Variants in EGFR observed in about 807,000 individuals in gnomAD.
EGFR encodes epidermal growth factor receptor.
EGFR carries 58 observed loss-of-function variants against 143.0 expected under a neutral mutation model. The ratio of observed to expected loss-of-function variants is 0.41; its 90% CI spans 0.33 to 0.50. The LOEUF (loss-of-function observed/expected upper bound fraction) is 0.50, where lower values mean the gene tolerates loss of function less well. EGFR is among the 20% of genes least tolerant of loss of function. The pLI, the probability that EGFR is intolerant of heterozygous loss-of-function variation, is 0.39. For synonymous variants in EGFR, 613 were observed against 594.4 expected (o/e 1.03, Z -0.45); for missense variants, 1,307 against 1,579.0 (o/e 0.83, Z 2.92).
At chr7:55,128,035 T>G (rs1009415926) in intron 1 of EGFR, among the ~76,000 whole-genome samples, 1 of 152,162 alleles carries the variant, frequency 6.6e-6, no homozygotes, top group Non-Finnish European at 1.5e-5. Flanking sequence ...AGGCTTCCCA[T>G]CCTCCTGGAG....
At chr7:55,171,618 C>T (rs1786358314) in intron 16 of EGFR, among the ~76,000 whole-genome samples, 2 of 152,196 alleles carry the variant, frequency 1.3e-5, no homozygotes, top group African/African-American at 4.8e-5. Flanking sequence ...ATGACAACCT[C>T]CAGCATAGGG....
At chr7:55,132,314 T>C (rs889964886) in intron 1 of EGFR, among the ~76,000 whole-genome samples, 2 of 152,336 alleles carry the variant, frequency 1.3e-5, no homozygotes, top group East Asian at 3.9e-4. Flanking sequence ...GTCAGAGATC[T>C]TTTATTTCCT....
At chr7:55,028,986 G>A (rs562397412) in intron 1 of EGFR, among the ~76,000 whole-genome samples, 10 of 151,894 alleles carry the variant, frequency 6.6e-5, no homozygotes, top group Non-Finnish European at 1.3e-4. Flanking sequence ...GGTGAAACCC[G>A]CCTCTACTAA....
intron 1 of EGFR, among the ~76,000 whole-genome samples, chr7:55,029,410 C>T (rs1787124516): frequency 6.6e-6 from 1 of 152,100 alleles, no homozygotes; most frequent in South Asian, 2.1e-4. Flanking sequence ...CTTCTTCCTT[C>T]CTTGCTTTCT....
intron 1 of EGFR, among the ~76,000 whole-genome samples, chr7:55,037,364 T>G (rs2128867352): frequency 6.6e-6 from 1 of 152,244 alleles, no homozygotes; most frequent in East Asian, 1.9e-4. Context: ...CATCCCATTC[T>G]CCCAAGCAAG....
intron 22 of EGFR, among the ~76,000 whole-genome samples, chr7:55,194,983 G>A (rs1005176480): frequency 3.6e-4 from 55 of 152,164 alleles, no homozygotes; most frequent in African/African-American, 1.2e-3. Context: ...GTACCAAGGA[G>A]CTAAAAAGAG....
intron 7 of EGFR, among the ~76,000 whole-genome samples, chr7:55,154,958 G>A (rs534870978): frequency 3.8e-4 from 58 of 151,910 alleles, no homozygotes; most frequent in Non-Finnish European, 5.3e-4. Context: ...TAAGGTAAAT[G>A]ACAAACAAAG....
intron 4 of EGFR, among the ~76,000 whole-genome samples, chr7:55,149,606 G>A (rs1307724862): frequency 6.6e-6 from 1 of 152,128 alleles, no homozygotes; most frequent in African/African-American, 2.4e-5. Context: ...TTGGCAATAT[G>A]CCTGCAATAT....
chr7:55,058,155 G>A (rs1267001292), intron 1 of EGFR, among the ~76,000 whole-genome samples: 3 of 152,204 alleles, frequency 2.0e-5, no homozygotes, highest in Admixed American at 1.3e-4. Context: ...CAGCATTTTG[G>A]GAGGCCGAGG....
intron 22 of EGFR, among the ~76,000 whole-genome samples, chr7:55,197,640 T>C (rs1248105520): frequency 6.6e-6 from 1 of 152,212 alleles, no homozygotes; most frequent in Non-Finnish European, 1.5e-5. Flanking sequence ...ATGTTGGCTG[T>C]GGGTTTGCCA....
intron 26 of EGFR, 25 bp downstream of exon 26, chr7:55,201,807 A>G (rs747210615): frequency 3.7e-6 from 6 of 1,612,552 alleles, no homozygotes; most frequent in Admixed American, 1.7e-5. Context: ...CTTATAAGCC[A>G]GAATTTACAG....
intron 1 of EGFR, among the ~76,000 whole-genome samples, chr7:55,090,894 G>T (rs1473087199): frequency 6.6e-6 from 1 of 152,190 alleles, no homozygotes; most frequent in Non-Finnish European, 1.5e-5. Context: ...TGATGTTGAT[G>T]GACCCAACCT....
chr7:55,128,116 C>G (rs1793635398), intron 1 of EGFR, among the ~76,000 whole-genome samples: 1 of 152,236 alleles, frequency 6.6e-6, no homozygotes, highest in Admixed American at 6.5e-5. Flanking sequence ...TAGTGGCTTT[C>G]TAGACCCAGG....
chr7:55,135,641 G>A (rs1383292156), intron 1 of EGFR, among the ~76,000 whole-genome samples: 1 of 152,092 alleles, frequency 6.6e-6, no homozygotes. Context: ...TTAAATAAGT[G>A]TATTTACTTT....
chr7:55,159,955 C>A (rs1030452808), intron 11 of EGFR, among the ~76,000 whole-genome samples, 184 bp from the exon 12 acceptor site: 1 of 152,190 alleles, frequency 6.6e-6, no homozygotes. Context: ...CTATCTTTTG[C>A]CTGGAGGAAC....
rs1390633611 is a variant in EGFR, at chr7:55,062,422, C to G, written c.88+43057C>G. ...GGAGGACTCCCGACCCCCATGTACCCCTTTCTTAACCCTTTAATTAAGATC... is the reference window on the plus strand; with the variant it reads ...GGAGGACTCCCGACCCCCATGTACCGCTTTCTTAACCCTTTAATTAAGATC... On this transcript the variant is annotated intron_variant, in intron 1 of 27. Transcript: ENST00000275493. 2.0e-5 allele frequency among the ~76,000 whole-genome samples: 3 copies of G among 152,116 alleles called. No homozygotes were observed. The East Asian group carries it at 5.8e-4, about 29-fold the overall frequency.
intron 7 of EGFR, among the ~76,000 whole-genome samples, chr7:55,155,315 G>A (rs181223011): frequency 3.9e-5 from 6 of 152,318 alleles, no homozygotes; most frequent in East Asian, 1.9e-4. Flanking sequence ...GGTGGCGCAC[G>A]CCTGTAATCA....
intron 1 of EGFR, among the ~76,000 whole-genome samples, chr7:55,047,635 C>T (rs544695883): frequency 1.3e-5 from 2 of 152,202 alleles, no homozygotes; most frequent in Non-Finnish European, 2.9e-5. Context: ...CCGGTAATCC[C>T]AGCTAGTTGA....
intron 1 of EGFR, among the ~76,000 whole-genome samples, chr7:55,078,393 G>A (rs1408610327): frequency 6.7e-6 from 1 of 148,908 alleles, no homozygotes; most frequent in Non-Finnish European, 1.5e-5. Flanking sequence ...AGGGTACCAC[G>A]CCACGTAGAG....
Sources: allele counts gnomAD v4.1 joint callset (sites outside exome capture counted in the v4.1 genomes callset), GRCh38; gene constraint gnomAD v4.1.1; transcripts MANE v1.5; gene names NCBI Gene and HGNC (gene_info 2026-07-23, HGNC 2026-07-21).